Variants in ZNF862 observed in about 807,000 individuals in gnomAD.
ZNF862 encodes zinc finger protein 862.
Under a neutral mutation model 91.1 loss-of-function variants are expected in ZNF862, and 64 were observed. The ratio of observed to expected loss-of-function variants is 0.70; its 90% CI spans 0.57 to 0.87. The LOEUF (loss-of-function observed/expected upper bound fraction) is 0.87. Ranked by LOEUF, ZNF862 falls within the 40% of genes least tolerant of loss-of-function variation. The probability of loss-of-function intolerance (pLI) is 0.00; values close to 1 mark genes in which losing one functional copy is unlikely to be tolerated. For missense variants in ZNF862, 1,459 were observed against 1,528.0 expected (o/e 0.95, Z 0.75); for synonymous variants, 631 against 618.1 (o/e 1.02, Z -0.31).
chr7:149,848,494 A>G (rs1801957590), intron 4 of ZNF862, 62 bp downstream of exon 4: 3 of 1,305,988 alleles, frequency 2.3e-6, no homozygotes, highest in Non-Finnish European at 2.0e-6. Context: ...AGAACGATGT[A>G]TATCCATGCT....
chr7:149,838,694 CG>C, intron 1 of ZNF862, 59 bp downstream of exon 1: 1 of 1,111,724 alleles, frequency 9.0e-7, no homozygotes. Context: ...GAGCCGGGCT[CG>C]GGCGAGGCGG....
intron 2 of ZNF862, among the ~76,000 whole-genome samples, chr7:149,845,273 TCTTTC>T (rs1158529033): frequency 1.3e-5 from 2 of 152,256 alleles, no homozygotes; most frequent in African/African-American, 2.4e-5. Context: ...TTTTGAATGC[TCTTTC>T]CTTTGATTCT....
chr7:149,843,151 C>T (rs1472129860), intron 1 of ZNF862, among the ~76,000 whole-genome samples: 2 of 152,032 alleles, frequency 1.3e-5, no homozygotes, highest in Non-Finnish European at 2.9e-5. Flanking sequence ...TTTCTATTGT[C>T]CAAATTTTCT....
At chr7:149,842,345 G>A (rs529265234) in intron 1 of ZNF862, among the ~76,000 whole-genome samples, 1 of 152,334 alleles carries the variant, frequency 6.6e-6, no homozygotes, top group Non-Finnish European at 1.5e-5. Flanking sequence ...GGGGACTTTG[G>A]TGCTAGACTG....
Position 149,860,600 on chromosome 7 carries a change from C to T in ZNF862, c.1440C>T (p.Pro480=). Reference sequence around the variant, plus strand: ...AGTTCCCATGGTTAGTAATTGACCCCAAAGAGACCAAACTCTTCTGCTCAG... The same window carrying T: ...AGTTCCCATGGTTAGTAATTGACCCTAAAGAGACCAAACTCTTCTGCTCAG... ...FGQFPWLVID[P]KETKLFCSAC... The change falls in exon 7 of 8, where the codon CCC becomes CCT. Residue 480 remains proline (P), a synonymous_variant. Coordinates refer to ENST00000223210, the MANE Select transcript of ZNF862 (RefSeq NM_001099220.3). The T allele has an allele frequency of 1.2e-6, 2 of 1,613,984 alleles. No individual in the cohort carries two copies. Among genetic ancestry groups the T allele is most frequent in the East Asian group, 2.2e-5 (1 of 44,882 alleles).
chr7:149,840,616 C>G (rs1178116104), intron 1 of ZNF862, among the ~76,000 whole-genome samples: 2 of 151,954 alleles, frequency 1.3e-5, no homozygotes, highest in Admixed American at 6.6e-5. Flanking sequence ...TGGTAAGTGC[C>G]CAATACAGAT....
intron 1 of ZNF862, among the ~76,000 whole-genome samples, chr7:149,839,042 C>T (rs1197877020): frequency 6.6e-6 from 1 of 152,240 alleles, no homozygotes; most frequent in Non-Finnish European, 1.5e-5. Context: ...TGCCTAGATC[C>T]TCCTTACCAA....
At chr7:149,842,840 G>A (rs1033294682) in intron 1 of ZNF862, among the ~76,000 whole-genome samples, 1 of 152,186 alleles carries the variant, frequency 6.6e-6, no homozygotes, top group African/African-American at 2.4e-5. Context: ...CTGTCCCTAG[G>A]TTGTATCTCA....
At chr7:149,845,971 G>A (rs1295760417) in intron 2 of ZNF862, among the ~76,000 whole-genome samples, 180 bp from the exon 3 acceptor site, 1 of 152,144 alleles carries the variant, frequency 6.6e-6, no homozygotes, top group Admixed American at 6.5e-5. Context: ...ACAGATAAGA[G>A]TTTCTAAACC....
chr7:149,848,349 A>G lies in ZNF862; in HGVS notation c.856A>G (p.Arg286Gly). ...AMYLDCISDL[R>G]QKEITDGIHS... ...GTATCTAGACTGCATTTCAGATTTG[A>G]GGCAAAAAGAAATCACTGATGGCAT... Residue 286 changes from arginine to glycine, a missense_variant, in exon 4 of 8, where the codon AGG becomes GGG. By Grantham distance (125) the Arg-to-Gly change is moderately radical. Transcript: ENST00000223210. 1 of 1,606,048 alleles carries G rather than the reference A, an allele frequency of 6.2e-7. No homozygotes were observed. The highest frequency in any genetic ancestry group is 8.5e-7 in the Non-Finnish European group (1 of 1,175,924).
chr7:149,840,648 C>A (rs890766852), intron 1 of ZNF862, among the ~76,000 whole-genome samples: 24 of 138,210 alleles, frequency 1.7e-4, no homozygotes, highest in Non-Finnish European at 3.0e-4. Context: ...TTTTTTTTGT[C>A]TTTTCTACCA....
chr7:149,854,738 C>T (rs897445670), intron 5 of ZNF862, among the ~76,000 whole-genome samples: 2 of 152,260 alleles, frequency 1.3e-5, no homozygotes, highest in Admixed American at 1.3e-4. Context: ...GCGGGGAGCA[C>T]TTTCAGCCCA....
At chr7:149,839,818 G>A (rs184350879) in intron 1 of ZNF862, among the ~76,000 whole-genome samples, 3 of 152,256 alleles carry the variant, frequency 2.0e-5, no homozygotes, top group African/African-American at 4.8e-5. Flanking sequence ...GGAGCTTATG[G>A]CCCTTACCCT....
chr7:149,839,905 T>C (rs7806638), intron 1 of ZNF862, among the ~76,000 whole-genome samples: 5,015 of 152,246 alleles, frequency 0.033, 217 homozygotes, highest in African/African-American at 0.094. Flanking sequence ...GGAAGAAGGA[T>C]TATAAAATAT....
Position 149,862,202 on chromosome 7 carries a change from C to T in ZNF862, c.3042C>T (p.Ala1014=), listed in dbSNP as rs1802535624. Residue 1014 remains alanine, a synonymous_variant, in exon 7 of 8, where the codon GCC becomes GCT. Transcript: ENST00000223210. The stretch of plus-strand genomic sequence containing the variant: ...CCATGCTCTGCAAAAACGCCCTGGC[C>T]CAGCACTGCCGCTTCCCCCTGCTAA... ...PFSMLCKNAL[A]QHCRFPLLSK... The T allele has an allele frequency of 2.5e-6, 4 of 1,613,488 alleles. No individual in the cohort carries two copies. Among genetic ancestry groups the T allele is most frequent in the Non-Finnish European group, 1.7e-6 (2 of 1,179,892 alleles).
At chr7:149,849,853 GCAGCTC>G (rs1444867072) in intron 4 of ZNF862, among the ~76,000 whole-genome samples, 1 of 152,166 alleles carries the variant, frequency 6.6e-6, no homozygotes, top group Non-Finnish European at 1.5e-5. Context: ...TGACCAGGAG[GCAGCTC>G]TCAGGACTCT....
At chr7:149,849,249 A>G (rs1801981646) in intron 4 of ZNF862, among the ~76,000 whole-genome samples, 1 of 152,204 alleles carries the variant, frequency 6.6e-6, no homozygotes, top group Admixed American at 6.5e-5. Flanking sequence ...AAGAACACAG[A>G]CTTTGGAGGA....
In ZNF862 at chr7:149,860,870, GC is replaced by G; in HGVS notation, c.1714del (p.Leu572Ter). 6.2e-7 allele frequency: 1 copy of G among 1,613,636 alleles called. No homozygotes were observed. The highest frequency in any genetic ancestry group is 8.5e-7 in the Non-Finnish European group (1 of 1,179,896). ...CCTACTCCATTGCATACCACTCAAG[GC>G]CCCTGAATGACTTTGAGAAGATCCT... ...AAYSIAYHSR[P>X]LNDFEKILQL... is the part of the protein sequence containing the mutation. On this transcript the variant is annotated frameshift_variant, in exon 7 of 8. Coordinates refer to ENST00000223210, the MANE Select transcript of ZNF862 (RefSeq NM_001099220.3). LOFTEE classifies it high-confidence loss of function.
At position 149,848,136 on chromosome 7, in the gene ZNF862, G is replaced by C. The variant is rs1482732728; in HGVS notation, c.643G>C (p.Ala215Pro). Reference protein sequence around the residue: ...ALAARDPIWAARFRSIRDPPG... With the variant: ...ALAARDPIWAPRFRSIRDPPG... ...GGCAGCGAGGGACCCCATCTGGGCA[G>C]CCCGGTTCCGGAGCATCAGAGACCC... Residue 215 changes from alanine (A) to proline (P), a missense_variant, in exon 4 of 8, where the codon GCC becomes CCC. Coordinates refer to ENST00000223210, the MANE Select transcript of ZNF862 (RefSeq NM_001099220.3). The C allele has an allele frequency of 6.2e-7, 1 of 1,614,072 alleles. No homozygotes were observed. The highest frequency in any genetic ancestry group is 1.1e-5 in the South Asian group (1 of 91,088).
Sources: gnomAD v4.1 joint callset for allele counts (sites outside exome capture counted in the v4.1 genomes callset) on GRCh38, gnomAD v4.1.1 for gene constraint, MANE v1.5 for transcripts, NCBI Gene and HGNC (gene_info 2026-07-23, HGNC 2026-07-21) for gene names.